The following EPS8 variants were observed in gnomAD, a reference collection of about 807,000 sequenced individuals.
EPS8 encodes the protein EGFR pathway substrate 8, signaling adaptor, also known as epidermal growth factor receptor kinase substrate 8.
In EPS8, 42 loss-of-function variants were observed where a neutral mutation model predicts 103.8. That is an observed-to-expected ratio of 0.40 (90% confidence interval 0.32 to 0.52). EPS8 has a LOEUF of 0.52. EPS8 is among the 20% of genes least tolerant of loss of function. The pLI is 0.40. For synonymous variants in EPS8, 344 were observed against 344.6 expected (o/e 1.00, Z 0.02); for missense variants, 969 against 1,005.1 (o/e 0.96, Z 0.49).
chr12:15,710,097 C>CT (rs869068115), intron 1 of EPS8, among the ~76,000 whole-genome samples: 7 of 3,764 alleles, frequency 1.9e-3, no homozygotes, highest in African/African-American at 2.0e-3. Context: ...GGTTGGGGGA[C>CT]CCCTGGCTTA....
chr12:15,657,958 A>G (rs1416603690), intron 12 of EPS8, 121 bp downstream of exon 12: 2 of 656,970 alleles, frequency 3.0e-6, no homozygotes. Context: ...GTTTACACAA[A>G]TGGCAAAGAA....
chr12:15,713,836 G>C lies in EPS8; in HGVS notation c.-21-30864C>G, dbSNP rs1484053203. Among the ~76,000 whole-genome samples the C allele has an allele frequency of 1.3e-5, 2 of 152,140 alleles. No individual in the cohort carries two copies. The highest frequency in any genetic ancestry group is 3.8e-4 in the East Asian group (2 of 5,204). Reference sequence around the variant, plus strand: ...TGTCTCTGAGAATCTGGGTGAAGAGGACAGGGGAAATGCTATAAATGCTAT... The same window carrying C: ...TGTCTCTGAGAATCTGGGTGAAGAGCACAGGGGAAATGCTATAAATGCTAT... On this transcript the variant is annotated intron_variant, in intron 1 of 20. Transcript: ENST00000281172. This position sits in a 1 kb window ranked among gnomAD's most constrained non-coding sequence, Gnocchi z 4.8.
intron 18 of EPS8, among the ~76,000 whole-genome samples, chr12:15,631,153 T>C (rs1945038311): frequency 6.6e-6 from 1 of 152,170 alleles, no homozygotes; most frequent in Non-Finnish European, 1.5e-5. Flanking sequence ...AGCTGGCAAG[T>C]GTTGTTTTGG....
At chr12:15,630,024 C>A (rs1945016445) in intron 18 of EPS8, among the ~76,000 whole-genome samples, 1 of 151,934 alleles carries the variant, frequency 6.6e-6, no homozygotes. Context: ...AATACGATGA[C>A]TAATTTGGGA....
chr12:15,723,798 A>G lies in EPS8; in HGVS notation c.-21-40826T>C, dbSNP rs1048307094. Among the ~76,000 whole-genome samples the G allele has an allele frequency of 3.3e-5, 5 of 152,250 alleles. No homozygotes were observed. In the South Asian group the frequency reaches 1.0e-3, roughly 32 times the overall value. On this transcript the variant is annotated intron_variant, in intron 1 of 20. Transcript: ENST00000281172. ...ATCCAAAACCAAAAGTTTTTGATCA[A>G]CTTTTAAGTAAAGTCATTTTATACT...
At chr12:15,664,267 A>G (rs1416171186) in intron 8 of EPS8, among the ~76,000 whole-genome samples, 2 of 151,420 alleles carry the variant, frequency 1.3e-5, no homozygotes, top group Non-Finnish European at 1.5e-5. Flanking sequence ...ATTAAACTAC[A>G]TATCTCTGTT....
rs1279939099 is a variant in EPS8, at chr12:15,713,285, A to G, written c.-21-30313T>C. On this transcript the variant is annotated intron_variant, in intron 1 of 20. Transcript: ENST00000281172. This position sits in a 1 kb window ranked among gnomAD's most constrained non-coding sequence, Gnocchi z 4.8. ...ACTTACGGGAATTCCAGGTACAGAAATATGGCCAACTGAGCTCATGAAGAC... is the reference window on the plus strand; with the variant it reads ...ACTTACGGGAATTCCAGGTACAGAAGTATGGCCAACTGAGCTCATGAAGAC... The G allele has an allele frequency of 6.6e-6, 1 of 152,258 alleles. No individual in the cohort carries two copies. Among genetic ancestry groups the G allele is most frequent in the Non-Finnish European group, 1.5e-5 (1 of 68,098 alleles). 9.4% of individuals were successfully genotyped at this position (152,258 alleles called of 1,614,324 possible).
At chr12:15,740,013 A>G (rs1401691344) in intron 1 of EPS8, among the ~76,000 whole-genome samples, 2 of 152,170 alleles carry the variant, frequency 1.3e-5, no homozygotes, top group Non-Finnish European at 1.5e-5. Context: ...AGGAATACAG[A>G]GAATACTAAC....
intron 1 of EPS8, among the ~76,000 whole-genome samples, chr12:15,730,882 A>T (rs1407814734): frequency 6.6e-6 from 1 of 152,012 alleles, no homozygotes; most frequent in Non-Finnish European, 1.5e-5. Context: ...TCTCCCATAT[A>T]ACTAAAAAAA....
chr12:15,642,507 C>A (rs978427274), intron 15 of EPS8, among the ~76,000 whole-genome samples: 1 of 152,066 alleles, frequency 6.6e-6, no homozygotes, highest in Non-Finnish European at 1.5e-5. Context: ...CTCTTCTAAT[C>A]ATTAAATGAG....
chr12:15,694,397 A>G (rs1387569129), intron 1 of EPS8, among the ~76,000 whole-genome samples: 1 of 152,226 alleles, frequency 6.6e-6, no homozygotes, highest in East Asian at 1.9e-4. Context: ...CAGAGAAAAA[A>G]CAATACGCTA....
At chr12:15,722,995 T>C (rs1015879649) in intron 1 of EPS8, among the ~76,000 whole-genome samples, 3 of 149,374 alleles carry the variant, frequency 2.0e-5, no homozygotes, top group African/African-American at 7.4e-5. Flanking sequence ...ACACTGGATA[T>C]CACTTGTTTG....
At position 15,740,884 on chromosome 12, in the gene EPS8, T is replaced by C. The variant is rs140274191; in HGVS notation, c.-22+48277A>G. ...CCACAACCATTAAGTTGAGTACATC[T>C]ACGTGGATTGGTAATGATAGAAAAA... On this transcript the variant is annotated intron_variant, in intron 1 of 20. Coordinates refer to ENST00000281172, the MANE Select transcript of EPS8 (RefSeq NM_004447.6). 1.3e-4 allele frequency among the ~76,000 whole-genome samples: 20 copies of C among 152,352 alleles called. No individual in the cohort carries two copies. The East Asian group carries it at 3.9e-3, about 29-fold the overall frequency.
chr12:15,755,042 T>C (rs1467837171), intron 1 of EPS8, among the ~76,000 whole-genome samples: 2 of 152,156 alleles, frequency 1.3e-5, no homozygotes, highest in African/African-American at 4.8e-5. Context: ...TGCTGTCCAG[T>C]GGTCAGGTCA....
At position 15,734,608 on chromosome 12, in the gene EPS8, G is replaced by A. The variant is rs1946749990; in HGVS notation, c.-21-51636C>T. Among the ~76,000 whole-genome samples the A allele has an allele frequency of 6.6e-6, 1 of 152,052 alleles. No individual in the cohort carries two copies. The highest frequency in any genetic ancestry group is 2.1e-4 in the South Asian group (1 of 4,818). On this transcript the variant is annotated intron_variant, in intron 1 of 20. Transcript: ENST00000281172. The surrounding 1 kb of genome is among the most constrained non-coding windows in gnomAD (Gnocchi z 4.1). The stretch of plus-strand genomic sequence containing the variant: ...ACTCGGGAGGCTGAGGCAGGAGAAT[G>A]GCGTGAACCTGGGAGGCGGACCTTG...
chr12:15,635,887 G>T (rs868271892), intron 17 of EPS8, among the ~76,000 whole-genome samples: 1 of 151,896 alleles, frequency 6.6e-6, no homozygotes, highest in East Asian at 1.9e-4. Context: ...TTGAATTCAC[G>T]TGACCACAGA....
chr12:15,663,939 A>ATAAT (rs61385343), intron 8 of EPS8, among the ~76,000 whole-genome samples: 2 of 63,796 alleles, frequency 3.1e-5, no homozygotes, highest in Non-Finnish European at 2.5e-5. Context: ...AAAAAAAAAA[A>ATAAT]AAAAAAATAA....
In EPS8 at chr12:15,760,176, T is replaced by C. The variant is rs1392998010; in HGVS notation, c.-22+28985A>G. ...ATCATTAGTGGCTACTAAGAGCAAC[T>C]ATATGCCAATAAACTGGAAAATCTA... is the stretch of plus-strand genomic sequence containing the variant. On this transcript the variant is annotated intron_variant, in intron 1 of 20. Coordinates refer to ENST00000281172, the MANE Select transcript of EPS8 (RefSeq NM_004447.6). The surrounding 1 kb of genome is among the most constrained non-coding windows in gnomAD (Gnocchi z 4.5). Among the ~76,000 whole-genome samples the C allele has an allele frequency of 6.6e-6, 1 of 152,002 alleles. No homozygotes were observed. The highest frequency in any genetic ancestry group is 1.5e-5 in the Non-Finnish European group (1 of 67,956).
At chr12:15,658,453 T>C (rs1427502981) in intron 11 of EPS8, 44 bp downstream of exon 11, 1 of 1,234,348 alleles carries the variant, frequency 8.1e-7, no homozygotes, top group Non-Finnish European at 1.2e-6. Context: ...TTTTCACCTT[T>C]TCCATTTATT....
Sources: allele counts gnomAD v4.1 joint callset (sites outside exome capture counted in the v4.1 genomes callset), GRCh38; gene constraint gnomAD v4.1.1; non-coding constraint Gnocchi (gnomAD v3.1); transcripts MANE v1.5; gene names NCBI Gene and HGNC (gene_info 2026-07-23, HGNC 2026-07-21).